Variants in SPEN observed in about 807,000 individuals in gnomAD.
The protein encoded by SPEN is msx2-interacting protein.
A neutral mutation model predicts 269.9 loss-of-function variants in SPEN; 18 were observed. The observed-to-expected ratio is 0.07, with a 90% confidence interval of 0.05 to 0.10. The LOEUF (loss-of-function observed/expected upper bound fraction) is 0.10, where lower values mean the gene tolerates loss of function less well. Ranked by LOEUF, SPEN falls within the 10% of genes least tolerant of loss-of-function variation. The pLI, the probability that SPEN is intolerant of heterozygous loss-of-function variation, is 1.00. For synonymous variants in SPEN, 1,726 were observed against 1,765.7 expected (o/e 0.98, Z 0.56); for missense variants, 3,822 against 4,631.2 (o/e 0.83, Z 5.07).
chr1:15,900,914 A>G (rs1156649910), intron 3 of SPEN, among the ~76,000 whole-genome samples: 1 of 152,110 alleles, frequency 6.6e-6, no homozygotes, highest in Admixed American at 6.6e-5. Context: ...ATGTTGTAGA[A>G]CCCTGCTAAA....
Position 15,848,682 on chromosome 1 carries a change from C to T in SPEN, c.83+532C>T, listed in dbSNP as rs1478846955. On this transcript the variant is annotated intron_variant, in intron 1 of 14. Transcript: ENST00000375759. The surrounding 1 kb of genome is among the most constrained non-coding windows in gnomAD (Gnocchi z 5.1). ...CGCAGTAGGTACTGTGGTCGCGTCGCGGACCCGGAGAGACCATCTAGGACC... is the reference window on the plus strand; with the variant it reads ...CGCAGTAGGTACTGTGGTCGCGTCGTGGACCCGGAGAGACCATCTAGGACC... Among the ~76,000 whole-genome samples, 2 of 152,208 alleles carry T rather than the reference C, an allele frequency of 1.3e-5. No homozygotes were observed. The highest frequency in any genetic ancestry group is 2.9e-5 in the Non-Finnish European group (2 of 68,028).
In SPEN at chr1:15,847,950, A is replaced by ACGCCACCGCCGCAGCCGCCGCCGC; in HGVS notation, c.-113_-90dup. ...GCCGGAGGAGCCGCCGCCGCTGCCGACGCCACCGCCGCAGCCGCCGCCGCC... is the reference window on the plus strand; with the variant it reads ...GCCGGAGGAGCCGCCGCCGCTGCCGACGCCACCGCCGCAGCCGCCGCCGCCGCCACCGCCGCAGCCGCCGCCGCC... On this transcript the variant is annotated 5_prime_UTR_variant, in exon 1 of 15. Coordinates refer to ENST00000375759, the MANE Select transcript of SPEN (RefSeq NM_015001.3). 2.2e-6 allele frequency: 1 copy of ACGCCACCGCCGCAGCCGCCGCCGC among 462,478 alleles called. No individual in the cohort carries two copies. The highest frequency in any genetic ancestry group is 4.5e-5 in the East Asian group (1 of 22,142). The allele number at this position is 462,478 out of a possible 1,614,324, so 28.6% of individuals were successfully genotyped here. A position where few individuals can be genotyped will look rare whatever the true frequency, so the allele number is the denominator to read the frequency against.
At chr1:15,851,337 A>T (rs563226685) in intron 1 of SPEN, among the ~76,000 whole-genome samples, 1 of 152,296 alleles carries the variant, frequency 6.6e-6, no homozygotes, top group South Asian at 2.1e-4. Context: ...CAGTTTGCGG[A>T]TTTAAAAAAA....
At position 15,933,275 on chromosome 1, in the gene SPEN, CAAG is replaced by C. The variant is rs761016159; in HGVS notation, c.7038_7040del (p.Lys2347del). 6 of 1,614,034 alleles carry C rather than the reference CAAG, an allele frequency of 3.7e-6. No homozygotes were observed. In the South Asian group the frequency reaches 5.5e-5, roughly 15 times the overall value. ...GATCACGCCGCAAGCGAAACACAAA[CAAG>C]AAAGTGGTGGCTCCTGTAGAGAGCC... On this transcript the variant is annotated inframe_deletion, in exon 11 of 15. Coordinates refer to ENST00000375759, the MANE Select transcript of SPEN (RefSeq NM_015001.3). The surrounding 1 kb of genome is among the most constrained non-coding windows in gnomAD (Gnocchi z 5.7).
intron 9 of SPEN, 125 bp from the exon 10 acceptor site, chr1:15,922,124 G>T: frequency 1.5e-6 from 1 of 670,006 alleles, no homozygotes; most frequent in Non-Finnish European, 2.6e-6. Flanking sequence ...TTTTACTTGA[G>T]ATACATTGCT....
intron 3 of SPEN, among the ~76,000 whole-genome samples, chr1:15,889,720 T>TC (rs543889351): frequency 2.2e-4 from 34 of 152,168 alleles, no homozygotes; most frequent in Middle Eastern, 3.4e-3. Flanking sequence ...CTTTTTTTTT[T>TC]CCCCATTATT....
intron 10 of SPEN, among the ~76,000 whole-genome samples, chr1:15,925,518 C>T (rs1050706268): frequency 1.6e-4 from 25 of 152,092 alleles, no homozygotes; most frequent in African/African-American, 6.0e-4. Flanking sequence ...AACAGTGCTC[C>T]AGCATGAATG....
chr1:15,917,134 T>C (rs2071074417), intron 6 of SPEN, among the ~76,000 whole-genome samples: 1 of 152,068 alleles, frequency 6.6e-6, no homozygotes, highest in African/African-American at 2.4e-5. Flanking sequence ...TCTCCAAAAA[T>C]AGAAGCAGCA....
chr1:15,866,631 G>T (rs1429710562), intron 1 of SPEN, among the ~76,000 whole-genome samples: 1 of 152,196 alleles, frequency 6.6e-6, no homozygotes, highest in Admixed American at 6.5e-5. Flanking sequence ...GGGATTACAG[G>T]CGTGAGCCAC....
rs531300914 is a variant in SPEN at position 15,850,683 on chromosome 1, G to A, written c.83+2533G>A. Reference sequence around the variant, plus strand: ...ACTCAAGGCCTTTTATCCCTATTGTGGGATATATTTTGTAAAATGTGTGAT... The same window carrying A: ...ACTCAAGGCCTTTTATCCCTATTGTAGGATATATTTTGTAAAATGTGTGAT... On this transcript the variant is annotated intron_variant, in intron 1 of 14. Coordinates refer to ENST00000375759, the MANE Select transcript of SPEN (RefSeq NM_015001.3). Among the ~76,000 whole-genome samples, 5 of 152,248 alleles carry A rather than the reference G, an allele frequency of 3.3e-5. No individual in the cohort carries two copies. In the South Asian group the frequency reaches 1.0e-3, roughly 32 times the overall value.
At chr1:15,885,424 T>C (rs1226353831) in intron 3 of SPEN, among the ~76,000 whole-genome samples, 6 of 152,232 alleles carry the variant, frequency 3.9e-5, no homozygotes, top group African/African-American at 4.8e-5. Context: ...AAGTTTCTTT[T>C]TAAGCATACA....
rs1236878838 is a variant in SPEN at position 15,920,872 on chromosome 1, G to A, written c.1638G>A (p.Val546=). Residue 546 remains valine, a splice_region_variant and synonymous_variant, in exon 9 of 15, where the codon GTG becomes GTA. Transcript: ENST00000375759. ...TTTTTTGTTTGTTTGTTTTACAGGT[G>A]GTGTTTGACCGCTTAAAAGGCATGG... is the stretch of plus-strand genomic sequence containing the variant. ...HFCRYGPVVK[V]VFDRLKGMAL... 1 of 1,590,348 alleles carries A rather than the reference G, an allele frequency of 6.3e-7. No homozygotes were observed. The highest frequency in any genetic ancestry group is 1.1e-5 in the South Asian group (1 of 88,702).
In SPEN at chr1:15,935,284, A is replaced by C. The variant is rs1399231062; in HGVS notation, c.9044A>C (p.His3015Pro). The change falls in exon 11 of 15, where the codon CAT becomes CCT. Residue 3015 changes from histidine to proline, a missense_variant. By Grantham distance (77) the His-to-Pro change is moderately conservative. This residue lies in a region of SPEN where 94 missense variants were observed against 90.4 expected (regional missense o/e 1.04). Transcript: ENST00000375759. The surrounding 1 kb of genome is among the most constrained non-coding windows in gnomAD (Gnocchi z 7.7). ...PSIPADRTVS[H>P]LAAAKLDAHS... is the part of the protein sequence containing the mutation. ...ATCCCAGCAGATCGAACTGTCTCCC[A>C]TTTGGCAGCTGCAAAGCTAGATGCT... The C allele has an allele frequency of 3.1e-6, 5 of 1,613,838 alleles. No homozygotes were observed. The highest frequency in any genetic ancestry group is 4.2e-6 in the Non-Finnish European group (5 of 1,179,982).
Position 15,937,531 on chromosome 1 carries a change from C to G in SPEN, c.10395C>G (p.Pro3465=). ...TGTTTGTCCCAACAACCTCTGGCCC[C>G]AGCACCCCACCAGGACTGGTTCTGC... ...QPLFVPTTSG[P]STPPGLVLPH... is the part of the protein sequence containing the mutation. Residue 3465 remains proline, a synonymous_variant, in exon 12 of 15, where the codon CCC becomes CCG. Coordinates refer to ENST00000375759, the MANE Select transcript of SPEN (RefSeq NM_015001.3). The surrounding 1 kb of genome is among the most constrained non-coding windows in gnomAD (Gnocchi z 5.7). 6.2e-7 allele frequency: 1 copy of G among 1,614,148 alleles called. No homozygotes were observed. The highest frequency in any genetic ancestry group is 8.5e-7 in the Non-Finnish European group (1 of 1,180,036).
At chr1:15,886,761 C>T (rs1333285823) in intron 3 of SPEN, among the ~76,000 whole-genome samples, 3 of 152,260 alleles carry the variant, frequency 2.0e-5, no homozygotes, top group East Asian at 3.9e-4. Flanking sequence ...CATTTGGTGA[C>T]AAGGAGTTTA....
intron 10 of SPEN, among the ~76,000 whole-genome samples, chr1:15,926,201 G>T (rs2071164863): frequency 6.6e-6 from 1 of 152,028 alleles, no homozygotes; most frequent in African/African-American, 2.4e-5. Flanking sequence ...TTTGAGTTCG[G>T]CCTGGCCAAC....
intron 10 of SPEN, among the ~76,000 whole-genome samples, chr1:15,925,046 G>A (rs1466571183): frequency 6.6e-6 from 1 of 152,156 alleles, no homozygotes; most frequent in African/African-American, 2.4e-5. Context: ...TAATGCTAAT[G>A]ATAAGCTCAG....
intron 3 of SPEN, among the ~76,000 whole-genome samples, chr1:15,885,233 G>C (rs1034405855): frequency 1.3e-5 from 2 of 151,418 alleles, no homozygotes; most frequent in African/African-American, 4.9e-5. Context: ...ATGGAGTCTC[G>C]CTCTGTTGCC....
chr1:15,937,423 T>G lies in SPEN; in HGVS notation c.10287T>G (p.Thr3429=). ...GGGCACAAGCAGAAACAGGCCCGAC[T>G]TCCTTCCCCTCCCCTGTGTCTGTCT... ...VQRAQAETGP[T]SFPSPVSVSM... The change falls in exon 12 of 15, where the codon ACT becomes ACG. Residue 3429 remains threonine (T), a synonymous_variant. Transcript: ENST00000375759. This position sits in a 1 kb window ranked among gnomAD's most constrained non-coding sequence, Gnocchi z 5.7. The G allele has an allele frequency of 1.2e-6, 2 of 1,613,662 alleles. No individual in the cohort carries two copies. The highest frequency in any genetic ancestry group is 1.7e-6 in the Non-Finnish European group (2 of 1,179,994).
Sources: gnomAD v4.1 joint callset for allele counts (sites outside exome capture counted in the v4.1 genomes callset) on GRCh38, gnomAD v4.1.1 for gene constraint, gnomAD v4.1.1 regional missense constraint, Gnocchi (gnomAD v3.1) non-coding constraint, MANE v1.5 for transcripts, NCBI Gene and HGNC (gene_info 2026-07-23, HGNC 2026-07-21) for gene names.